EPDR1: variants seen among roughly 807,000 people sequenced by gnomAD.
EPDR1 encodes the protein mammalian ependymin-related protein 1.
A neutral mutation model predicts 23.7 loss-of-function variants in EPDR1; 27 were observed. The observed-to-expected ratio is 1.14, with a 90% CI of 0.84 to 1.57. The LOEUF (loss-of-function observed/expected upper bound fraction) is 1.57, where lower values mean the gene tolerates loss of function less well. EPDR1 is among the 40% of genes most tolerant of loss of function. The probability of loss-of-function intolerance (pLI) is 0.00; values close to 1 mark genes in which losing one functional copy is unlikely to be tolerated. For missense variants in EPDR1, 349 were observed against 290.4 expected (o/e 1.20, Z -1.47); for synonymous variants, 137 against 118.2 (o/e 1.16, Z -1.03).
At chr7:37,921,334 A>C (rs941530136) in intron 1 of EPDR1, 126 bp downstream of exon 1, 7 of 1,423,444 alleles carry the variant, frequency 4.9e-6, no homozygotes, top group Non-Finnish European at 6.4e-6. Flanking sequence ...TCCCAGAGAG[A>C]TCTTTCGCGA....
rs936620825 is a variant in EPDR1, at chr7:37,920,892, G to T, written c.-48G>T. On this transcript the variant is annotated 5_prime_UTR_variant, in exon 1 of 3. Transcript: ENST00000199448. Reference sequence around the variant, plus strand: ...CCACTCTGATCCCGGACGCCTCAGCGCCCCCTTGGGCTTGGGCTTGCCCTC... The same window carrying T: ...CCACTCTGATCCCGGACGCCTCAGCTCCCCCTTGGGCTTGGGCTTGCCCTC... 6.2e-7 allele frequency: 1 copy of T among 1,611,462 alleles called. No individual in the cohort carries two copies. Among genetic ancestry groups the T allele is most frequent in the Non-Finnish European group, 8.5e-7 (1 of 1,179,214 alleles).
At chr7:37,943,721 C>T (rs1221639409) in intron 1 of EPDR1, among the ~76,000 whole-genome samples, 1 of 152,112 alleles carries the variant, frequency 6.6e-6, no homozygotes, top group Non-Finnish European at 1.5e-5. Context: ...ATTTTGAAAA[C>T]ATAGAAAAGT....
At chr7:37,940,945 GATT>G (rs1033998448) in intron 1 of EPDR1, among the ~76,000 whole-genome samples, 4 of 152,082 alleles carry the variant, frequency 2.6e-5, no homozygotes, top group African/African-American at 9.7e-5. Flanking sequence ...AGAAATGCCT[GATT>G]TCAGATCTGG....
At chr7:37,935,058 T>A (rs549638684) in intron 1 of EPDR1, among the ~76,000 whole-genome samples, 1 of 152,294 alleles carries the variant, frequency 6.6e-6, no homozygotes, top group South Asian at 2.1e-4. Flanking sequence ...CTAGAAATAA[T>A]TTATAGTATA....
At chr7:37,926,478 CAAAAAA>C (rs55920283) in intron 1 of EPDR1, among the ~76,000 whole-genome samples, 16 of 120,462 alleles carry the variant, frequency 1.3e-4, no homozygotes, top group Non-Finnish European at 1.4e-4. Context: ...TTCTTCATAG[CAAAAAA>C]AAAAAAAAAA....
At chr7:37,946,549 C>T (rs1400781809) in intron 1 of EPDR1, among the ~76,000 whole-genome samples, 4 of 152,108 alleles carry the variant, frequency 2.6e-5, no homozygotes, top group East Asian at 3.8e-4. Flanking sequence ...ATACTTTTAT[C>T]GTTATTTTAG....
At chr7:37,944,010 G>C (rs563737157) in intron 1 of EPDR1, among the ~76,000 whole-genome samples, 12 of 152,248 alleles carry the variant, frequency 7.9e-5, no homozygotes, top group African/African-American at 2.9e-4. Flanking sequence ...GCTGGCAGCT[G>C]CTCCCCGGGT....
chr7:37,929,409 T>G (rs1177039942), intron 1 of EPDR1, among the ~76,000 whole-genome samples: 1 of 152,220 alleles, frequency 6.6e-6, no homozygotes, highest in African/African-American at 2.4e-5. Context: ...TTGTCCCATA[T>G]GAAAAGAGCT....
At chr7:37,932,062 C>T (rs945386434) in intron 1 of EPDR1, among the ~76,000 whole-genome samples, 6 of 152,080 alleles carry the variant, frequency 3.9e-5, no homozygotes, top group Middle Eastern at 3.2e-3. Context: ...TTTGTTGGTT[C>T]CTTACAGAAT....
chr7:37,932,264 A>T (rs11763743), intron 1 of EPDR1, among the ~76,000 whole-genome samples: 22,945 of 152,074 alleles, frequency 0.15, 1,848 homozygotes, highest in Middle Eastern at 0.21. Flanking sequence ...TGCTTTACAA[A>T]GCCATGACTG....
At chr7:37,948,519 A>T (rs1170172343) in intron 1 of EPDR1, among the ~76,000 whole-genome samples, 7 of 151,196 alleles carry the variant, frequency 4.6e-5, no homozygotes, top group East Asian at 1.9e-4. Flanking sequence ...AATTTTTAAA[A>T]TTTTTTTTCT....
intron 1 of EPDR1, among the ~76,000 whole-genome samples, chr7:37,942,356 G>T (rs992489706): frequency 1.3e-5 from 2 of 152,188 alleles, no homozygotes; most frequent in Non-Finnish European, 2.9e-5. Flanking sequence ...TGACTGAAAA[G>T]AATAAATATT....
At chr7:37,949,419 C>A (rs1356598002) in intron 2 of EPDR1, among the ~76,000 whole-genome samples, 3 of 152,194 alleles carry the variant, frequency 2.0e-5, no homozygotes, top group Non-Finnish European at 4.4e-5. Context: ...GGGGTCAAAT[C>A]TACTCCCATC....
At chr7:37,943,525 A>G (rs1022927090) in intron 1 of EPDR1, among the ~76,000 whole-genome samples, 1 of 152,226 alleles carries the variant, frequency 6.6e-6, no homozygotes, top group African/African-American at 2.4e-5. Context: ...ACGCCACTAC[A>G]GTATCATTAA....
intron 1 of EPDR1, among the ~76,000 whole-genome samples, chr7:37,922,479 C>G (rs1240179066): frequency 6.6e-6 from 1 of 152,162 alleles, no homozygotes; most frequent in Non-Finnish European, 1.5e-5. Flanking sequence ...TAACAACTAA[C>G]AGTTGCATAC....
intron 1 of EPDR1, among the ~76,000 whole-genome samples, chr7:37,928,533 A>G (rs1243935465): frequency 2.0e-5 from 3 of 152,130 alleles, no homozygotes; most frequent in Non-Finnish European, 4.4e-5. Context: ...TTTTGTCACC[A>G]TTCTATTGAA....
rs777684680 is a variant in EPDR1, at chr7:37,920,697, C to T, written c.-243C>T. 3 of 1,597,764 alleles carry T rather than the reference C, an allele frequency of 1.9e-6. No individual in the cohort carries two copies. Among genetic ancestry groups the T allele is most frequent in the Admixed American group, 1.7e-5 (1 of 59,406 alleles). On this transcript the variant is annotated 5_prime_UTR_variant, in exon 1 of 3. Coordinates refer to ENST00000199448, the MANE Select transcript of EPDR1 (RefSeq NM_017549.5). ...GCAGGCAGTGGCAGCAGGCAGTGGC[C>T]CAGGCAGAAATAGCTCCCGCGCGAT...
rs565227268 is a variant in EPDR1, at chr7:37,931,997, C to T, written c.269+10789C>T. The stretch of plus-strand genomic sequence containing the variant: ...TGCTGGGATTACACGCGTGAGCCAC[C>T]GCGCCCGGTCGGGAACTTTCCTCTA... On this transcript the variant is annotated intron_variant, in intron 1 of 2. Coordinates refer to ENST00000199448, the MANE Select transcript of EPDR1 (RefSeq NM_017549.5). Among the ~76,000 whole-genome samples, 194 of 152,252 alleles carry T rather than the reference C, an allele frequency of 1.3e-3. 2 individuals carry two copies. Among genetic ancestry groups the T allele is most frequent in the African/African-American group, 4.5e-3 (186 of 41,532 alleles).
At chr7:37,949,990 G>T (rs1786364378) in intron 2 of EPDR1, among the ~76,000 whole-genome samples, 2 of 148,422 alleles carry the variant, frequency 1.3e-5, no homozygotes, top group African/African-American at 4.8e-5. Flanking sequence ...CGTGTTTAAT[G>T]GAGACAGAGT....
Sources: gnomAD v4.1 joint callset for allele counts (sites outside exome capture counted in the v4.1 genomes callset) on GRCh38, gnomAD v4.1.1 for gene constraint, MANE v1.5 for transcripts, NCBI Gene and HGNC (gene_info 2026-07-23, HGNC 2026-07-21) for gene names.